Variants in ITK observed in about 807,000 individuals in gnomAD.
The protein encoded by ITK is tyrosine-protein kinase ITK/TSK.
In ITK, 45 loss-of-function variants were observed where a neutral mutation model predicts 87.6. The ratio of observed to expected loss-of-function variants is 0.51; its 90% CI spans 0.40 to 0.66. ITK has a LOEUF of 0.66. Among genes scored for constraint, ITK ranks in the 30% least tolerant of loss-of-function variants. The probability of loss-of-function intolerance (pLI) is 0.00; values close to 1 mark genes in which losing one functional copy is unlikely to be tolerated. For synonymous variants in ITK, 303 were observed against 273.6 expected (o/e 1.11, Z -1.06); for missense variants, 605 against 766.3 (o/e 0.79, Z 2.48).
Position 157,196,982 on chromosome 5 carries a change from T to C in ITK, c.139-11907T>C, listed in dbSNP as rs545396110. ...TTGGAAAATATCACTTAGTTCTTGC[T>C]CCTAATTTCCACATAAGTCCTTTTC... On this transcript the variant is annotated intron_variant, in intron 1 of 16. Transcript: ENST00000422843. 9.8e-5 allele frequency among the ~76,000 whole-genome samples: 15 copies of C among 152,324 alleles called. No individual in the cohort carries two copies. In the East Asian group the frequency reaches 2.9e-3, roughly 29 times the overall value.
chr5:157,236,844 C>G (rs1754785102), intron 8 of ITK, among the ~76,000 whole-genome samples: 1 of 152,248 alleles, frequency 6.6e-6, no homozygotes, highest in African/African-American at 2.4e-5. Flanking sequence ...CTTCTTCCCA[C>G]CTCTCTCATG....
chr5:157,252,547 T>A, intron 16 of ITK, 60 bp from the exon 17 acceptor site: 1 of 1,290,302 alleles, frequency 7.8e-7, no homozygotes, highest in Non-Finnish European at 1.1e-6. Flanking sequence ...TGGTTTGTTT[T>A]GGATTTACCT....
chr5:157,241,500 T>C (rs990205393), intron 10 of ITK, 146 bp from the exon 11 acceptor site: 6 of 688,790 alleles, frequency 8.7e-6, no homozygotes, highest in Non-Finnish European at 1.6e-5. Context: ...GGATATGATA[T>C]CAATAATTAG....
At chr5:157,234,518 T>C (rs1324332810) in intron 8 of ITK, among the ~76,000 whole-genome samples, 1 of 152,222 alleles carries the variant, frequency 6.6e-6, no homozygotes, top group East Asian at 1.9e-4. Flanking sequence ...AAGAGATGAA[T>C]TCCTGCATAG....
chr5:157,251,777 T>C (rs1264518125), intron 16 of ITK, among the ~76,000 whole-genome samples: 1 of 152,246 alleles, frequency 6.6e-6, no homozygotes, highest in Non-Finnish European at 1.5e-5. Flanking sequence ...CTTTCTCCTC[T>C]GTTCCTTTGT....
At chr5:157,185,880 T>C (rs1462533613) in intron 1 of ITK, among the ~76,000 whole-genome samples, 1 of 152,116 alleles carries the variant, frequency 6.6e-6, no homozygotes, top group Admixed American at 6.6e-5. Context: ...TCCTTCATGA[T>C]CTTATTTCCT....
In ITK at chr5:157,214,218, C is replaced by G. The variant is rs1252936560; in HGVS notation, c.353C>G (p.Pro118Arg). ...ACGAGGAATAATAACAGTTTGGTGC[C>G]TAAATATCATCCTAATTTCTGGATG... Reference protein sequence around the residue: ...EETRNNNSLVPKYHPNFWMDG... With the variant: ...EETRNNNSLVRKYHPNFWMDG... The change falls in exon 4 of 17, where the codon CCT becomes CGT. Residue 118 changes from proline (P) to arginine (R), a missense_variant. Transcript: ENST00000422843. 1.2e-6 allele frequency: 2 copies of G among 1,610,144 alleles called. No homozygotes were observed. Among genetic ancestry groups the G allele is most frequent in the Non-Finnish European group, 1.7e-6 (2 of 1,176,450 alleles).
chr5:157,221,767 C>T (rs1474290379), intron 5 of ITK, among the ~76,000 whole-genome samples: 1 of 152,094 alleles, frequency 6.6e-6, no homozygotes, highest in African/African-American at 2.4e-5. Context: ...CCTCCATAAG[C>T]TCTTAGAGCA....
chr5:157,211,244 C>G (rs1468120617), intron 2 of ITK, 43 bp from the exon 3 acceptor site: 1 of 1,526,898 alleles, frequency 6.5e-7, no homozygotes, highest in African/African-American at 1.4e-5. Context: ...TCAACTATCT[C>G]CATGCACGCT....
chr5:157,230,713 G>A (rs1375762253), intron 7 of ITK, among the ~76,000 whole-genome samples: 1 of 152,124 alleles, frequency 6.6e-6, no homozygotes, highest in Non-Finnish European at 1.5e-5. Flanking sequence ...ATGTAGTTTT[G>A]TTTGTTCAAC....
intron 6 of ITK, among the ~76,000 whole-genome samples, chr5:157,226,461 C>T (rs1464564416): frequency 1.3e-5 from 2 of 152,130 alleles, no homozygotes; most frequent in African/African-American, 4.8e-5. Context: ...AAGAGTGATA[C>T]AGAAGGAATG....
intron 1 of ITK, among the ~76,000 whole-genome samples, chr5:157,187,057 A>G (rs1424010651): frequency 6.6e-6 from 1 of 152,156 alleles, no homozygotes; most frequent in African/African-American, 2.4e-5. Context: ...GAATCCAACC[A>G]CACCAGGTTT....
In ITK at chr5:157,253,141, A is replaced by G. The variant is rs1342772312; in HGVS notation, c.*463A>G. The G allele has an allele frequency of 1.7e-5, 5 of 294,262 alleles. No individual in the cohort carries two copies. Among genetic ancestry groups the G allele is most frequent in the African/African-American group, 8.3e-5 (4 of 48,046 alleles). The allele number at this position is 294,262 out of a possible 1,614,324, so 18.2% of individuals were successfully genotyped here. A position where few individuals can be genotyped will look rare whatever the true frequency, so the allele number is the denominator to read the frequency against. On this transcript the variant is annotated 3_prime_UTR_variant, in exon 17 of 17. Transcript: ENST00000422843. ...TATGGAGGCAAGGGGAACAAAGAGC[A>G]TGAGTCTTTTTCCAAGAAAACTGGT...
At chr5:157,186,223 G>T (rs1236680818) in intron 1 of ITK, among the ~76,000 whole-genome samples, 3 of 152,156 alleles carry the variant, frequency 2.0e-5, no homozygotes, top group East Asian at 3.8e-4. Flanking sequence ...GAAGTCCCCA[G>T]TGTAAAGGAC....
chr5:157,243,014 A>C (rs13190139), intron 11 of ITK, among the ~76,000 whole-genome samples: 2,498 of 152,340 alleles, frequency 0.016, 28 homozygotes, highest in Non-Finnish European at 0.027. Flanking sequence ...GTATTCTAAT[A>C]AATGTAGAAT....
intron 1 of ITK, among the ~76,000 whole-genome samples, chr5:157,183,953 T>A (rs1435242922): frequency 6.6e-6 from 1 of 152,174 alleles, no homozygotes; most frequent in Non-Finnish European, 1.5e-5. Flanking sequence ...ACTAATTGAT[T>A]GAGGTTTTAC....
chr5:157,228,287 T>C lies in ITK; in HGVS notation c.648-9T>C, dbSNP rs2113764460. ...ATGTAAGTCTAAACATTAATTTTCCTTTTAACAGGCATGAAGGATATGTAC... is the reference window on the plus strand; with the variant it reads ...ATGTAAGTCTAAACATTAATTTTCCCTTTAACAGGCATGAAGGATATGTAC... On this transcript the variant is annotated splice_polypyrimidine_tract_variant and intron_variant, in intron 6 of 16. Transcript: ENST00000422843. 1 of 1,571,656 alleles carries C rather than the reference T, an allele frequency of 6.4e-7. No individual in the cohort carries two copies. Among genetic ancestry groups the C allele is most frequent in the Non-Finnish European group, 8.8e-7 (1 of 1,141,394 alleles).
chr5:157,209,086 A>G (rs1216773957), intron 2 of ITK, 93 bp downstream of exon 2: 6 of 873,742 alleles, frequency 6.9e-6, no homozygotes, highest in African/African-American at 6.6e-5. Context: ...CTGTAATCCT[A>G]GCACTTTGGG....
At chr5:157,228,935 T>G (rs908741061) in intron 7 of ITK, among the ~76,000 whole-genome samples, 2 of 152,152 alleles carry the variant, frequency 1.3e-5, no homozygotes, top group African/African-American at 2.4e-5. Context: ...GACAAAAAGA[T>G]GTGGGCGTGT....
Sources: gnomAD v4.1 joint callset for allele counts (sites outside exome capture counted in the v4.1 genomes callset) on GRCh38, gnomAD v4.1.1 for gene constraint, MANE v1.5 for transcripts, NCBI Gene and HGNC (gene_info 2026-07-23, HGNC 2026-07-21) for gene names.